The following ZFP90 variants were observed in gnomAD, a reference collection of about 807,000 sequenced individuals.
ZFP90 encodes zinc finger protein 90 homolog.
ZFP90 carries 38 observed loss-of-function variants against 60.8 expected under a neutral mutation model. The ratio of observed to expected loss-of-function variants is 0.62; its 90% CI spans 0.48 to 0.82. The LOEUF (loss-of-function observed/expected upper bound fraction) is 0.82. Among genes scored for constraint, ZFP90 ranks in the 40% least tolerant of loss-of-function variants. The pLI, the probability that ZFP90 is intolerant of heterozygous loss-of-function variation, is 0.00. For missense variants in ZFP90, 711 were observed against 759.1 expected (o/e 0.94, Z 0.74); for synonymous variants, 287 against 264.8 (o/e 1.08, Z -0.82).
Position 68,565,290 on chromosome 16 carries a change from TG to T in ZFP90, c.*596del. 1.0e-6 allele frequency: 1 copy of T among 985,570 alleles called. No individual in the cohort carries two copies. Among genetic ancestry groups the T allele is most frequent in the African/African-American group, 1.7e-5 (1 of 57,366 alleles). The allele number at this position is 985,570 out of a possible 1,614,324, so 61.1% of individuals were successfully genotyped here. A position where few individuals can be genotyped will look rare whatever the true frequency, so the allele number is the denominator to read the frequency against. Reference sequence around the variant, plus strand: ...GTTAAAAATGCAGGTTTCCTGGATTTGGGGCCCCATGGCCTTGCCAGTGAAA... The same window carrying T: ...GTTAAAAATGCAGGTTTCCTGGATTTGGGCCCCATGGCCTTGCCAGTGAAA... On this transcript the variant is annotated 3_prime_UTR_variant, in exon 5 of 5. Coordinates refer to ENST00000563169, the MANE Select transcript of ZFP90 (RefSeq NM_001305203.2).
chr16:68,571,544 A>T (rs964299909), downstream of ZFP90, among the ~76,000 whole-genome samples: 2 of 152,146 alleles, frequency 1.3e-5, no homozygotes, highest in South Asian at 4.1e-4. Flanking sequence ...ATAAGCCTGG[A>T]TAACTTGTAC....
chr16:68,556,343 A>G (rs1428595122), intron 2 of ZFP90, among the ~76,000 whole-genome samples: 1 of 152,150 alleles, frequency 6.6e-6, no homozygotes, highest in Non-Finnish European at 1.5e-5. Flanking sequence ...ATGGGATGGT[A>G]GAGGAAAAAG....
Position 68,565,031 on chromosome 16 carries a change from A to C in ZFP90, c.*333A>C. ...ACCCCCAATGTCAACAGCTTTTTTA[A>C]AAAGCAAATTCCTGCAGTAATGACC... On this transcript the variant is annotated 3_prime_UTR_variant, in exon 5 of 5. Transcript: ENST00000563169. The C allele has an allele frequency of 9.7e-7, 1 of 1,036,152 alleles. No homozygotes were observed. Among genetic ancestry groups the C allele is most frequent in the Non-Finnish European group, 1.2e-6 (1 of 863,478 alleles). The allele number at this position is 1,036,152 out of a possible 1,614,324, so 64.2% of individuals were successfully genotyped here.
At position 68,564,193 on chromosome 16, in the gene ZFP90, A is replaced by G. The variant is rs753423234; in HGVS notation, c.1406A>G (p.Gln469Arg). The G allele has an allele frequency of 3.7e-6, 6 of 1,614,004 alleles. No homozygotes were observed. In the African/African-American group the frequency reaches 6.7e-5, roughly 18 times the overall value. ...CACATTACAGACTTTACTGACCATC[A>G]GAGGATCCATACTGCAGAGAACCCC... Reference protein sequence around the residue: ...FSHITDFTDHQRIHTAENPYD... With the variant: ...FSHITDFTDHRRIHTAENPYD... The change falls in exon 5 of 5, where the codon CAG becomes CGG. Residue 469 changes from glutamine (Q) to arginine (R), a missense_variant. Around this residue, in one of 5 missense-constraint regions of ZFP90, gnomAD observed 295 missense variants for 274.0 expected, o/e 1.08. Transcript: ENST00000563169.
At chr16:68,546,727 G>A (rs2091156825) in intron 2 of ZFP90, among the ~76,000 whole-genome samples, 1 of 152,128 alleles carries the variant, frequency 6.6e-6, no homozygotes, top group Non-Finnish European at 1.5e-5. Context: ...GGCCAGGCTG[G>A]TCTCGAACTC....
intron 2 of ZFP90, among the ~76,000 whole-genome samples, chr16:68,552,591 A>G (rs1048722630): frequency 2.0e-5 from 3 of 152,110 alleles, no homozygotes; most frequent in African/African-American, 7.2e-5. Flanking sequence ...CCGAGGTGAA[A>G]GAACGTTCTG....
chr16:68,564,172 T>C lies in ZFP90; in HGVS notation c.1385T>C (p.Ile462Thr). Residue 462 changes from isoleucine (I) to threonine (T), a missense_variant, in exon 5 of 5, where the codon ATT (isoleucine) becomes ACT (threonine). By Grantham distance (89) the Ile-to-Thr change is moderately conservative. Transcript: ENST00000563169. ...GACTGTGGGGAAGACTTTAGTCACA[T>C]TACAGACTTTACTGACCATCAGAGG... ...CNDCGEDFSHITDFTDHQRIH... is the reference protein window; with the variant it reads ...CNDCGEDFSHTTDFTDHQRIH... 2 of 1,614,108 alleles carry C rather than the reference T, an allele frequency of 1.2e-6. No homozygotes were observed. Among genetic ancestry groups the C allele is most frequent in the Non-Finnish European group, 1.7e-6 (2 of 1,180,010 alleles).
intron 2 of ZFP90, among the ~76,000 whole-genome samples, chr16:68,552,230 A>G (rs570293585): frequency 6.6e-6 from 1 of 152,232 alleles, no homozygotes; most frequent in Admixed American, 6.5e-5. Flanking sequence ...TTCCACCAAG[A>G]GTGCATTTTA....
chr16:68,564,753 G>C lies in ZFP90; in HGVS notation c.*55G>C, dbSNP rs1418572711. On this transcript the variant is annotated 3_prime_UTR_variant, in exon 5 of 5. Coordinates refer to ENST00000563169, the MANE Select transcript of ZFP90 (RefSeq NM_001305203.2). ...GCTTTAGCTAAAATGTTCTGATTCA[G>C]GATCAGAGGATTCTTAGAGAGCTTG... 4 of 1,530,946 alleles carry C rather than the reference G, an allele frequency of 2.6e-6. No individual in the cohort carries two copies. The highest frequency in any genetic ancestry group is 3.5e-6 in the Non-Finnish European group (4 of 1,145,008). 94.8% of individuals were successfully genotyped at this position (1,530,946 alleles called of 1,614,324 possible).
intron 4 of ZFP90, chr16:68,562,723 T>C: frequency 2.0e-6 from 1 of 502,182 alleles, no homozygotes; most frequent in Admixed American, 3.6e-5. Flanking sequence ...GGAGAGCATA[T>C]AGGATCCTAA....
chr16:68,572,915 AGT>A (rs1021954579), intron 2 of ZFP90, among the ~76,000 whole-genome samples: 2 of 152,208 alleles, frequency 1.3e-5, no homozygotes, highest in African/African-American at 4.8e-5. Context: ...CTAGCAGCAG[AGT>A]GGAGATCTCT....
intron 2 of ZFP90, among the ~76,000 whole-genome samples, chr16:68,575,295 C>G (rs964730477): frequency 6.6e-6 from 1 of 152,190 alleles, no homozygotes. Flanking sequence ...TGTCACAGTT[C>G]ATACCCGCAT....
chr16:68,538,857 C>T (rs2090983343), upstream of ZFP90, among the ~76,000 whole-genome samples: 1 of 152,170 alleles, frequency 6.6e-6, no homozygotes, highest in Admixed American at 6.6e-5. Flanking sequence ...TCTTTTTTCT[C>T]TAAAATGAGA....
chr16:68,537,596 C>G (rs1007616665), upstream of ZFP90, among the ~76,000 whole-genome samples: 2 of 152,176 alleles, frequency 1.3e-5, no homozygotes, highest in Non-Finnish European at 2.9e-5. Flanking sequence ...GAGACAGTCT[C>G]GCTTTGTCGC....
chr16:68,558,362 T>C (rs1408774769), intron 3 of ZFP90, 111 bp from the exon 4 acceptor site: 2 of 1,207,376 alleles, frequency 1.7e-6, no homozygotes, highest in African/African-American at 3.0e-5. Flanking sequence ...GTTGCACCTT[T>C]TTTTTCCTTC....
intron 2 of ZFP90, among the ~76,000 whole-genome samples, chr16:68,543,592 T>C (rs1377316225): frequency 6.6e-6 from 1 of 151,436 alleles, no homozygotes; most frequent in Admixed American, 6.6e-5. Context: ...GACAGAGTCT[T>C]GCTCTGTCGC....
chr16:68,545,510 C>A (rs1296915144), intron 2 of ZFP90, among the ~76,000 whole-genome samples: 1 of 152,166 alleles, frequency 6.6e-6, no homozygotes, highest in East Asian at 1.9e-4. Flanking sequence ...ATGTCAAAAC[C>A]TGTTCCTCTA....
exon 2 of ZFP90, chr16:68,533,701 CT>C (rs1301074625): frequency 6.6e-6 from 1 of 152,158 alleles, no homozygotes; most frequent in Non-Finnish European, 1.5e-5. Flanking sequence ...GAGACAGAGT[CT>C]TGCTCTGTTG....
chr16:68,565,466 T>G lies in ZFP90; in HGVS notation c.*768T>G. On this transcript the variant is annotated 3_prime_UTR_variant, in exon 5 of 5. Transcript: ENST00000563169. ...TGTATGCAAATTTATCACAAACTAT[T>G]TAAAGCAACTTCTTGGAGGCTTACA... 4 of 985,512 alleles carry G rather than the reference T, an allele frequency of 4.1e-6. No homozygotes were observed. The highest frequency in any genetic ancestry group is 4.8e-6 in the Non-Finnish European group (4 of 829,914). 61.0% of individuals were successfully genotyped at this position (985,512 alleles called of 1,614,324 possible).
Sources: gnomAD v4.1 joint callset for allele counts (sites outside exome capture counted in the v4.1 genomes callset) on GRCh38, gnomAD v4.1.1 for gene constraint, gnomAD v4.1.1 regional missense constraint, MANE v1.5 for transcripts, NCBI Gene and HGNC (gene_info 2026-07-23, HGNC 2026-07-21) for gene names.